The following CORO2B variants were observed in gnomAD, a reference collection of about 807,000 sequenced individuals.
CORO2B encodes coronin-2B.
A neutral mutation model predicts 58.8 loss-of-function variants in CORO2B; 26 were observed. That is an observed-to-expected ratio of 0.44 (90% CI 0.32 to 0.61). CORO2B has a LOEUF of 0.61. Among genes scored for constraint, CORO2B ranks in the 20% least tolerant of loss-of-function variants. The pLI, the probability that CORO2B is intolerant of heterozygous loss-of-function variation, is 0.04. For missense variants in CORO2B, 460 were observed against 645.1 expected (o/e 0.71, Z 3.11); for synonymous variants, 242 against 253.8 (o/e 0.95, Z 0.44).
At chr15:68,709,176 T>G (rs1363197580) in intron 3 of CORO2B, among the ~76,000 whole-genome samples, 1 of 152,204 alleles carries the variant, frequency 6.6e-6, no homozygotes, top group African/African-American at 2.4e-5. Flanking sequence ...TATATTGTAT[T>G]TTAAGAGTGA....
At chr15:68,670,903 A>T (rs1203609239) in intron 2 of CORO2B, among the ~76,000 whole-genome samples, 1 of 152,240 alleles carries the variant, frequency 6.6e-6, no homozygotes, top group Non-Finnish European at 1.5e-5. Flanking sequence ...AAAATTCATA[A>T]CAAAAGCATT....
intron 1 of CORO2B, among the ~76,000 whole-genome samples, chr15:68,643,929 C>T (rs768573316): frequency 3.3e-5 from 5 of 152,016 alleles, no homozygotes; most frequent in Non-Finnish European, 7.4e-5. Context: ...CCCAGCTACT[C>T]AGGAGGCTGA....
the CORO2B span, among the ~76,000 whole-genome samples, chr15:68,545,111 C>T: frequency 2.0e-5 from 3 of 152,078 alleles, no homozygotes; most frequent in Non-Finnish European, 2.9e-5. Context: ...AATCGGTGTC[C>T]ATAGATTCCC....
chr15:68,699,300 G>C (rs955902640), intron 3 of CORO2B, among the ~76,000 whole-genome samples: 3 of 152,140 alleles, frequency 2.0e-5, no homozygotes, highest in Non-Finnish European at 2.9e-5. Flanking sequence ...CTGAGCATCA[G>C]TGGACCCCAC....
chr15:68,632,372 C>T (rs1383284155), intron 1 of CORO2B: 36 of 985,414 alleles, frequency 3.7e-5, no homozygotes, highest in Middle Eastern at 1.0e-3. Flanking sequence ...GCATTCAGCT[C>T]GGTCCAGTAG....
chr15:68,603,998 T>A (rs1477298737), intron 1 of CORO2B, among the ~76,000 whole-genome samples: 2 of 151,428 alleles, frequency 1.3e-5, no homozygotes, highest in East Asian at 3.9e-4. Flanking sequence ...CACCAGGAGG[T>A]TCAGCATAAG....
the CORO2B span, among the ~76,000 whole-genome samples, chr15:68,530,643 T>C: frequency 3.6e-3 from 542 of 152,332 alleles, 3 homozygotes; most frequent in Middle Eastern, 0.024. Flanking sequence ...GTTATATTAG[T>C]ATGAGTTTAC....
intron 3 of CORO2B, among the ~76,000 whole-genome samples, chr15:68,708,357 CTT>C (rs921103212): frequency 1.7e-5 from 2 of 114,952 alleles, no homozygotes; most frequent in Non-Finnish European, 3.7e-5. Flanking sequence ...TTTTTTTCTT[CTT>C]TTTTTTTTTT....
chr15:68,560,679 C>T, the CORO2B span, among the ~76,000 whole-genome samples: 1 of 152,298 alleles, frequency 6.6e-6, no homozygotes, highest in South Asian at 2.1e-4. Context: ...CCTCCACATA[C>T]AACCCATCTT....
chr15:68,569,197 T>G, the CORO2B span, among the ~76,000 whole-genome samples: 1 of 152,334 alleles, frequency 6.6e-6, no homozygotes, highest in South Asian at 2.1e-4. Flanking sequence ...TTGTATATTC[T>G]ATGGGTTTTG....
intron 1 of CORO2B, among the ~76,000 whole-genome samples, chr15:68,593,265 T>C (rs914013500): frequency 6.6e-6 from 1 of 152,218 alleles, no homozygotes; most frequent in African/African-American, 2.4e-5. Flanking sequence ...TAGCCATGGG[T>C]GTATGACCTG....
chr15:68,559,443 G>A, the CORO2B span, among the ~76,000 whole-genome samples: 2 of 151,570 alleles, frequency 1.3e-5, no homozygotes, highest in African/African-American at 4.9e-5. This position sits in a 1 kb window ranked among gnomAD's most constrained non-coding sequence, Gnocchi z 4.3. Context: ...ATGGTTTGGA[G>A]CACTCATACA....
chr15:68,528,013 A>T, the CORO2B span, among the ~76,000 whole-genome samples: 1 of 152,206 alleles, frequency 6.6e-6, no homozygotes, highest in South Asian at 2.1e-4. Flanking sequence ...CAAGTCACTT[A>T]GGAGTTCTCA....
intron 3 of CORO2B, among the ~76,000 whole-genome samples, chr15:68,698,998 T>A (rs1354005224): frequency 6.6e-6 from 1 of 151,600 alleles, no homozygotes; most frequent in Admixed American, 6.6e-5. Flanking sequence ...GGAGAAGAGG[T>A]AGTTAGCTGG....
intron 1 of CORO2B, among the ~76,000 whole-genome samples, chr15:68,587,390 G>C (rs1362206575): frequency 6.6e-6 from 1 of 152,108 alleles, no homozygotes; most frequent in African/African-American, 2.4e-5. Flanking sequence ...GCTCACCCTG[G>C]GTAGGTGCTC....
At position 68,579,153 on chromosome 15, in the gene CORO2B, C is replaced by G. The variant is rs1310123244; in HGVS notation, c.-110C>G. On this transcript the variant is annotated 5_prime_UTR_variant, in exon 1 of 12. Coordinates refer to ENST00000261861, the MANE Select transcript of CORO2B (RefSeq NM_006091.5). Reference sequence around the variant, plus strand: ...AGGCTCGGCCGAGCCGCCGGCGGGGCGCGGGGAGCGAGCCGGGAGCTGCCG... The same window carrying G: ...AGGCTCGGCCGAGCCGCCGGCGGGGGGCGGGGAGCGAGCCGGGAGCTGCCG... 1.0e-6 allele frequency: 1 copy of G among 981,044 alleles called. No homozygotes were observed. Among genetic ancestry groups the G allele is most frequent in the Non-Finnish European group, 1.2e-6 (1 of 828,148 alleles). 60.8% of individuals were successfully genotyped at this position (981,044 alleles called of 1,614,324 possible). A position where few individuals can be genotyped will look rare whatever the true frequency, so the allele number is the denominator to read the frequency against.
chr15:68,726,008 T>C lies in CORO2B; in HGVS notation c.*34T>C. ...CTGGGCTGTTTTCTAAGCCGATCTC[T>C]CCGTCGTTTCTACTCATCCCTTAAC... On this transcript the variant is annotated 3_prime_UTR_variant, in exon 12 of 12. Coordinates refer to ENST00000261861, the MANE Select transcript of CORO2B (RefSeq NM_006091.5). 1.2e-6 allele frequency: 2 copies of C among 1,609,084 alleles called. No individual in the cohort carries two copies. Among genetic ancestry groups the C allele is most frequent in the Non-Finnish European group, 8.5e-7 (1 of 1,179,762 alleles).
intron 1 of CORO2B, among the ~76,000 whole-genome samples, chr15:68,636,918 C>G (rs181072808): frequency 6.6e-6 from 1 of 152,284 alleles, no homozygotes; most frequent in East Asian, 1.9e-4. Flanking sequence ...GCCACATGTG[C>G]CTATTGAGCA....
At chr15:68,532,447 T>A in the CORO2B span, among the ~76,000 whole-genome samples, 1 of 152,320 alleles carries the variant, frequency 6.6e-6, no homozygotes, top group South Asian at 2.1e-4. Context: ...AAATTTTCAT[T>A]TCACATATTG....
Sources: gnomAD v4.1 joint callset for allele counts (sites outside exome capture counted in the v4.1 genomes callset) on GRCh38, gnomAD v4.1.1 for gene constraint, Gnocchi (gnomAD v3.1) non-coding constraint, MANE v1.5 for transcripts, NCBI Gene and HGNC (gene_info 2026-07-23, HGNC 2026-07-21) for gene names.